Variants in SLC60A1 observed in about 807,000 individuals in gnomAD.
SLC60A1 encodes major facilitator superfamily domain containing 4.
chr1:205,600,669 T>C, the SLC60A1 span: 1 of 562,386 alleles, frequency 1.8e-6, no homozygotes, highest in Non-Finnish European at 3.2e-6. Context: ...TCAAGTTATC[T>C]TCTTCCCTGG....
the SLC60A1 span, chr1:205,569,378 C>G: frequency 2.8e-6 from 3 of 1,070,930 alleles, no homozygotes; most frequent in Non-Finnish European, 3.6e-6. Context: ...CCTCCCGCCC[C>G]GCGACCCGGC....
At chr1:205,590,515 C>A in the SLC60A1 span, among the ~76,000 whole-genome samples, 12 of 152,304 alleles carry the variant, frequency 7.9e-5, no homozygotes, top group African/African-American at 2.9e-4. Context: ...CTCTGAGCCT[C>A]GAGACCACCT....
At chr1:205,585,975 T>G in the SLC60A1 span, 520 of 1,495,908 alleles carry the variant, frequency 3.5e-4, no homozygotes, top group Non-Finnish European at 4.3e-4. The surrounding 1 kb of genome is among the most constrained non-coding windows in gnomAD (Gnocchi z 4.2). Flanking sequence ...GCTCCCTTTG[T>G]GAGGGTCATT....
At chr1:205,576,341 GC>G in the SLC60A1 span, among the ~76,000 whole-genome samples, 1 of 152,196 alleles carries the variant, frequency 6.6e-6, no homozygotes, top group Non-Finnish European at 1.5e-5. Flanking sequence ...GTGGCAAGTG[GC>G]CAGGGGAAAA....
At chr1:205,573,406 C>T in the SLC60A1 span, among the ~76,000 whole-genome samples, 12 of 149,194 alleles carry the variant, frequency 8.0e-5, no homozygotes, top group Non-Finnish European at 1.3e-4. Flanking sequence ...GTGACAAGAG[C>T]GAAACTCTGT....
chr1:205,578,641 CA>C, the SLC60A1 span, among the ~76,000 whole-genome samples: 185 of 152,282 alleles, frequency 1.2e-3, 2 homozygotes, highest in African/African-American at 4.1e-3. Flanking sequence ...CCAAGGGGGT[CA>C]GGGGCAGAAG....
chr1:205,586,038 C>T, the SLC60A1 span: 1 of 1,596,186 alleles, frequency 6.3e-7, no homozygotes, highest in East Asian at 2.2e-5. Flanking sequence ...CCACAGGGTG[C>T]CTATTCCGCC....
chr1:205,577,749 G>A, the SLC60A1 span, among the ~76,000 whole-genome samples: 1 of 152,142 alleles, frequency 6.6e-6, no homozygotes, highest in African/African-American at 2.4e-5. This position sits in a 1 kb window ranked among gnomAD's most constrained non-coding sequence, Gnocchi z 5.2. Context: ...ACATGTGCAC[G>A]CACACACACT....
the SLC60A1 span, among the ~76,000 whole-genome samples, chr1:205,595,473 CCT>C: frequency 5.9e-5 from 9 of 152,286 alleles, no homozygotes; most frequent in African/African-American, 1.4e-4. Flanking sequence ...TGACGTTGCC[CCT>C]GTCTCTCATG....
chr1:205,569,079 G>A, the SLC60A1 span: 5 of 1,490,800 alleles, frequency 3.4e-6, no homozygotes, highest in Non-Finnish European at 4.5e-6. Flanking sequence ...CATGGGCTGC[G>A]ACGGCCGCGT....
the SLC60A1 span, among the ~76,000 whole-genome samples, chr1:205,588,788 T>C: frequency 6.6e-6 from 1 of 152,244 alleles, no homozygotes; most frequent in African/African-American, 2.4e-5. Flanking sequence ...ATGTTTGTGC[T>C]ATGTGCAAAG....
the SLC60A1 span, chr1:205,581,072 C>T: frequency 9.4e-7 from 1 of 1,061,820 alleles, no homozygotes; most frequent in Non-Finnish European, 1.3e-6. The surrounding 1 kb of genome is among the most constrained non-coding windows in gnomAD (Gnocchi z 4.2). Context: ...GAGGACAAAC[C>T]CTCCCCGGGA....
At chr1:205,586,177 G>C in the SLC60A1 span, 2 of 1,613,542 alleles carry the variant, frequency 1.2e-6, no homozygotes, top group Non-Finnish European at 1.7e-6. Flanking sequence ...CCTCAAGAAT[G>C]AAGCCGGCCA....
chr1:205,580,635 A>ACCCCC, the SLC60A1 span: 24 of 852,392 alleles, frequency 2.8e-5, no homozygotes, highest in South Asian at 1.7e-4. The surrounding 1 kb of genome is among the most constrained non-coding windows in gnomAD (Gnocchi z 5.0). Flanking sequence ...CCCCACCCCC[A>ACCCCC]CCCGCCACCT....
chr1:205,599,088 G>GA, the SLC60A1 span: 1 of 1,610,762 alleles, frequency 6.2e-7, no homozygotes. Flanking sequence ...CCTTCCACGT[G>GA]AAGTTTTAAT....
chr1:205,577,229 C>G, the SLC60A1 span, among the ~76,000 whole-genome samples: 1 of 152,200 alleles, frequency 6.6e-6, no homozygotes, highest in South Asian at 2.1e-4. The surrounding 1 kb of genome is among the most constrained non-coding windows in gnomAD (Gnocchi z 5.2). Context: ...CTGCCTCTAT[C>G]TCTGTCTCCC....
chr1:205,586,081 G>C, the SLC60A1 span: 1 of 1,613,024 alleles, frequency 6.2e-7, no homozygotes, highest in African/African-American at 1.3e-5. Flanking sequence ...AGAAGCCCCT[G>C]TCTGTGGGAC....
chr1:205,581,702 C>G, the SLC60A1 span, among the ~76,000 whole-genome samples: 2 of 152,194 alleles, frequency 1.3e-5, no homozygotes, highest in Non-Finnish European at 2.9e-5. This position sits in a 1 kb window ranked among gnomAD's most constrained non-coding sequence, Gnocchi z 4.2. Flanking sequence ...ATGGAGGCAC[C>G]ATGCTGCTTG....
At chr1:205,602,759 A>ATTT in the SLC60A1 span, 1 of 152,144 alleles carries the variant, frequency 6.6e-6, no homozygotes, top group Non-Finnish European at 1.5e-5. Flanking sequence ...AAGCAGTTGT[A>ATTT]TTTTTCTTGT....
Sources: allele counts gnomAD v4.1 joint callset (sites outside exome capture counted in the v4.1 genomes callset), GRCh38; gene constraint gnomAD v4.1.1; non-coding constraint Gnocchi (gnomAD v3.1); transcripts MANE v1.5; gene names NCBI Gene and HGNC (gene_info 2026-07-23, HGNC 2026-07-21).